Variants in DPP10 observed in about 807,000 individuals in gnomAD.
DPP10 encodes inactive dipeptidyl peptidase 10.
Under a neutral mutation model 120.9 loss-of-function variants are expected in DPP10, and 33 were observed. That is an observed-to-expected ratio of 0.27 (90% CI 0.21 to 0.37). The LOEUF is 0.37. Among genes scored for constraint, DPP10 ranks in the 10% least tolerant of loss-of-function variants. The pLI, the probability that DPP10 is intolerant of heterozygous loss-of-function variation, is 1.00. For synonymous variants in DPP10, 337 were observed against 326.1 expected (o/e 1.03, Z -0.36); for missense variants, 816 against 942.8 (o/e 0.87, Z 1.76).
At chr2:115,130,300 T>C (rs1465394690) in intron 1 of DPP10, among the ~76,000 whole-genome samples, 6 of 152,206 alleles carry the variant, frequency 3.9e-5, no homozygotes, top group Non-Finnish European at 8.8e-5. Context: ...TGAATTTCAG[T>C]TGTCTGGTCT....
At chr2:114,992,924 C>T (rs532877047) in intron 1 of DPP10, among the ~76,000 whole-genome samples, 100 of 152,258 alleles carry the variant, frequency 6.6e-4, no homozygotes, top group African/African-American at 2.3e-3. Flanking sequence ...TCAACTATTC[C>T]ACATATGGAA....
At chr2:114,723,108 A>G (rs13030450) in intron 1 of DPP10, among the ~76,000 whole-genome samples, 5,813 of 152,242 alleles carry the variant, frequency 0.038, 135 homozygotes, top group Middle Eastern at 0.085. Context: ...GCTCTGTCCA[A>G]CTAGTTTAGT....
intron 1 of DPP10, among the ~76,000 whole-genome samples, chr2:115,291,035 G>T (rs909682120): frequency 6.6e-6 from 1 of 151,982 alleles, no homozygotes; most frequent in Non-Finnish European, 1.5e-5. Context: ...GCAGGGTCTC[G>T]CTCTGTTGCC....
chr2:114,830,291 C>T (rs1485644260), intron 1 of DPP10, among the ~76,000 whole-genome samples: 2 of 152,210 alleles, frequency 1.3e-5, no homozygotes, highest in East Asian at 1.9e-4. Flanking sequence ...CCATCTACAC[C>T]GAGATTCAGT....
At chr2:115,550,963 T>C (rs539055429) in intron 5 of DPP10, among the ~76,000 whole-genome samples, 10 of 152,134 alleles carry the variant, frequency 6.6e-5, no homozygotes, top group Non-Finnish European at 1.2e-4. Flanking sequence ...AAAATATAAT[T>C]TATTGTCAAT....
chr2:114,471,073 C>A (rs1464608206), intron 1 of DPP10, among the ~76,000 whole-genome samples: 1 of 152,178 alleles, frequency 6.6e-6, no homozygotes, highest in Non-Finnish European at 1.5e-5. Context: ...TAAACTATGA[C>A]AACTAAAATC....
intron 1 of DPP10, among the ~76,000 whole-genome samples, chr2:115,029,453 A>G (rs1007182832): frequency 1.5e-4 from 22 of 148,906 alleles, no homozygotes; most frequent in African/African-American, 4.9e-4. Flanking sequence ...TTTGCACATT[A>G]GCGTTTTTTT....
intron 1 of DPP10, among the ~76,000 whole-genome samples, chr2:115,023,643 G>T (rs968029566): frequency 1.7e-4 from 26 of 152,006 alleles, no homozygotes; most frequent in Middle Eastern, 3.4e-3. Context: ...TCCACTTCTA[G>T]GTATCTACAC....
At chr2:115,582,553 T>C (rs1471596313) in intron 5 of DPP10, among the ~76,000 whole-genome samples, 5 of 152,174 alleles carry the variant, frequency 3.3e-5, no homozygotes, top group Non-Finnish European at 7.3e-5. Context: ...CTGGGAGTGA[T>C]GCTCTCTTGC....
At chr2:115,697,252 A>G (rs1302931929) in intron 7 of DPP10, among the ~76,000 whole-genome samples, 1 of 151,782 alleles carries the variant, frequency 6.6e-6, no homozygotes, top group African/African-American at 2.4e-5. Flanking sequence ...TTAAATATAA[A>G]TAGATTAAAT....
intron 1 of DPP10, among the ~76,000 whole-genome samples, chr2:115,248,241 T>G (rs939312492): frequency 2.6e-5 from 4 of 152,118 alleles, no homozygotes; most frequent in Non-Finnish European, 5.9e-5. Flanking sequence ...CAATTCTCCC[T>G]CTCTCTAGGA....
intron 3 of DPP10, among the ~76,000 whole-genome samples, chr2:115,458,391 A>G (rs571679695): frequency 2.0e-5 from 3 of 152,110 alleles, no homozygotes; most frequent in African/African-American, 4.8e-5. Context: ...TTTACAGATA[A>G]TTGTTTAGAC....
chr2:114,670,035 G>A (rs968128464), intron 1 of DPP10, among the ~76,000 whole-genome samples: 15 of 152,234 alleles, frequency 9.9e-5, no homozygotes, highest in Non-Finnish European at 2.2e-4. Context: ...TGCTGGAGAG[G>A]ATGTGGAGAA....
intron 3 of DPP10, among the ~76,000 whole-genome samples, chr2:115,457,504 C>A (rs1285475746): frequency 3.3e-5 from 5 of 151,928 alleles, no homozygotes; most frequent in African/African-American, 1.2e-4. Context: ...TTTAAAAAAT[C>A]AAAACAAATC....
At chr2:115,258,354 A>T (rs1401607514) in intron 1 of DPP10, among the ~76,000 whole-genome samples, 1 of 152,106 alleles carries the variant, frequency 6.6e-6, no homozygotes, top group East Asian at 1.9e-4. Context: ...AATAGGTACC[A>T]TTCCTATTTA....
intron 5 of DPP10, among the ~76,000 whole-genome samples, chr2:115,602,755 G>A (rs2083414092): frequency 6.6e-6 from 1 of 152,134 alleles, no homozygotes; most frequent in Admixed American, 6.5e-5. Flanking sequence ...CATCTGTGGG[G>A]AACTCAGAGC....
At chr2:115,488,880 TAAAAA>T (rs35020299) in intron 3 of DPP10, among the ~76,000 whole-genome samples, 142 of 126,762 alleles carry the variant, frequency 1.1e-3, no homozygotes, top group Middle Eastern at 4.6e-3. Flanking sequence ...TAGAGTATAA[TAAAAA>T]AAAAAAAAAA....
In DPP10 at chr2:115,350,839, C is replaced by A. The variant is rs577809455; in HGVS notation, c.271+6927C>A. Among the ~76,000 whole-genome samples the A allele has an allele frequency of 7.9e-5, 12 of 152,132 alleles. No homozygotes were observed. In the East Asian group the frequency reaches 2.3e-3, roughly 29 times the overall value. ...ATTACAAACCTAAATAGTACCCTAGCCCCCAAAGGGTTTTTTTAAAAAGTC... is the reference window on the plus strand; with the variant it reads ...ATTACAAACCTAAATAGTACCCTAGACCCCAAAGGGTTTTTTTAAAAAGTC... On this transcript the variant is annotated intron_variant, in intron 3 of 25. Coordinates refer to ENST00000410059, the MANE Select transcript of DPP10 (RefSeq NM_020868.6).
chr2:115,840,855 C>T (rs62157986), intron 25 of DPP10, 32 bp downstream of exon 25: 167,496 of 1,585,998 alleles, frequency 0.11, 9,782 homozygotes, highest in Non-Finnish European at 0.12. Flanking sequence ...ACGTGTTTTC[C>T]TGCTGTGTTT....
Sources: allele counts gnomAD v4.1 joint callset (sites outside exome capture counted in the v4.1 genomes callset), GRCh38; gene constraint gnomAD v4.1.1; transcripts MANE v1.5; gene names NCBI Gene and HGNC (gene_info 2026-07-23, HGNC 2026-07-21).